The following CDH13 variants were observed in gnomAD, a reference collection of about 807,000 sequenced individuals.
CDH13 encodes cadherin-13.
CDH13 carries 24 observed loss-of-function variants against 63.8 expected under a neutral mutation model. The observed-to-expected ratio is 0.38, with a 90% CI of 0.27 to 0.53. The LOEUF (loss-of-function observed/expected upper bound fraction) is 0.53. Among genes scored for constraint, CDH13 ranks in the 20% least tolerant of loss-of-function variants. The probability of loss-of-function intolerance (pLI) is 0.85; values close to 1 mark genes in which losing one functional copy is unlikely to be tolerated. For missense variants in CDH13, 1,049 were observed against 903.1 expected (o/e 1.16, Z -2.07); for synonymous variants, 503 against 355.3 (o/e 1.42, Z -4.67).
intron 10 of CDH13, among the ~76,000 whole-genome samples, chr16:83,729,506 C>A (rs1441242630): frequency 6.6e-6 from 1 of 152,186 alleles, no homozygotes; most frequent in Non-Finnish European, 1.5e-5. Flanking sequence ...GATACCACTA[C>A]TCCTAAGACC....
In CDH13 at chr16:83,782,134, A is replaced by T. The variant is rs572032016; in HGVS notation, c.1916-1120A>T. Among the ~76,000 whole-genome samples the T allele has an allele frequency of 1.2e-4, 18 of 152,222 alleles. No homozygotes were observed. In the South Asian group the frequency reaches 3.5e-3, roughly 30 times the overall value. The stretch of plus-strand genomic sequence containing the variant: ...GTTTTTTCTCCTGGTTTTACCTAAT[A>T]GATAAATGCCTTCTAAATGATTTTG... On this transcript the variant is annotated intron_variant, in intron 12 of 13. Coordinates refer to ENST00000567109, the MANE Select transcript of CDH13 (RefSeq NM_001257.5).
chr16:82,784,719 A>T (rs569077960), intron 1 of CDH13, among the ~76,000 whole-genome samples: 2 of 152,250 alleles, frequency 1.3e-5, no homozygotes, highest in African/African-American at 4.8e-5. Flanking sequence ...GGTGAAGGGG[A>T]AGTAGAGGAG....
At chr16:82,639,395 A>C (rs2150883681) in intron 1 of CDH13, 1 of 1,535,600 alleles carries the variant, frequency 6.5e-7, no homozygotes, top group Non-Finnish European at 8.7e-7. Flanking sequence ...TGGTTCCCCC[A>C]GCAAGAACAT....
chr16:83,288,989 G>A (rs374867736), intron 5 of CDH13, among the ~76,000 whole-genome samples: 17 of 152,134 alleles, frequency 1.1e-4, no homozygotes, highest in African/African-American at 1.7e-4. Context: ...CTGCCTGCTC[G>A]CTACAGTTCC....
intron 6 of CDH13, among the ~76,000 whole-genome samples, chr16:83,384,175 C>T (rs1243357689): frequency 1.3e-5 from 2 of 152,126 alleles, no homozygotes; most frequent in African/African-American, 2.4e-5. Flanking sequence ...TCCTACCTTT[C>T]GTGTTTATCA....
intron 6 of CDH13, among the ~76,000 whole-genome samples, chr16:83,433,631 C>G (rs2072196329): frequency 6.6e-6 from 1 of 152,088 alleles, no homozygotes; most frequent in Admixed American, 6.6e-5. Flanking sequence ...GTGTAACCAC[C>G]AGAAGATTCA....
intron 2 of CDH13, among the ~76,000 whole-genome samples, chr16:82,983,835 G>C (rs1296267846): frequency 2.0e-5 from 3 of 152,182 alleles, no homozygotes; most frequent in African/African-American, 4.8e-5. Flanking sequence ...CTGACTGTAA[G>C]GGGGAAATGG....
chr16:83,446,395 G>GAGCTT (rs2072690268), intron 6 of CDH13, among the ~76,000 whole-genome samples: 3 of 152,098 alleles, frequency 2.0e-5, no homozygotes, highest in African/African-American at 7.2e-5. Flanking sequence ...ATGGTCAGCT[G>GAGCTT]AGCCTTTTTA....
At chr16:83,084,349 G>A (rs983344732) in intron 3 of CDH13, among the ~76,000 whole-genome samples, 9 of 152,134 alleles carry the variant, frequency 5.9e-5, no homozygotes, top group African/African-American at 2.2e-4. Context: ...CCCTTTTTAC[G>A]TTCATGTCTG....
intron 5 of CDH13, among the ~76,000 whole-genome samples, chr16:83,243,923 T>C (rs1163583397): frequency 1.3e-5 from 2 of 152,194 alleles, no homozygotes; most frequent in Non-Finnish European, 2.9e-5. Flanking sequence ...TTGAAGTGTT[T>C]TCTTCTTCAT....
intron 6 of CDH13, among the ~76,000 whole-genome samples, chr16:83,380,618 A>G (rs1046458197): frequency 1.3e-5 from 2 of 152,164 alleles, no homozygotes; most frequent in South Asian, 4.1e-4. Context: ...AAATTCTACC[A>G]TTCTCAGCAC....
intron 1 of CDH13, chr16:82,824,702 A>G (rs1045432705): frequency 2.0e-5 from 3 of 152,220 alleles, no homozygotes; most frequent in African/African-American, 7.2e-5. Flanking sequence ...ATTCAACACG[A>G]TGTTGCAAAG....
rs140041517 is a variant in CDH13, at chr16:82,913,727, C to T, written c.157+55254C>T. ...TTTGTCTGCGTGTGGGTACCCCATGCGCAGATCCTCAACAGCCGTTCCAAG... is the reference window on the plus strand; with the variant it reads ...TTTGTCTGCGTGTGGGTACCCCATGTGCAGATCCTCAACAGCCGTTCCAAG... On this transcript the variant is annotated intron_variant, in intron 2 of 13. Coordinates refer to ENST00000567109, the MANE Select transcript of CDH13 (RefSeq NM_001257.5). Among the ~76,000 whole-genome samples, 985 of 151,780 alleles carry T rather than the reference C, an allele frequency of 6.5e-3. 23 individuals are homozygous for T. Among genetic ancestry groups the T allele is most frequent in the African/African-American group, 0.023 (954 of 41,302 alleles).
At chr16:83,075,819 A>C (rs755509942) in intron 3 of CDH13, among the ~76,000 whole-genome samples, 6 of 152,194 alleles carry the variant, frequency 3.9e-5, no homozygotes, top group Non-Finnish European at 8.8e-5. Flanking sequence ...TTAGCTCTGC[A>C]AATGGAGAGT....
intron 7 of CDH13, among the ~76,000 whole-genome samples, chr16:83,593,844 A>C (rs1906999000): frequency 6.6e-6 from 1 of 152,186 alleles, no homozygotes; most frequent in Non-Finnish European, 1.5e-5. Flanking sequence ...GCCACTAAAC[A>C]AGTAATCAGT....
chr16:82,900,348 T>C (rs1431286299), intron 2 of CDH13, among the ~76,000 whole-genome samples: 1 of 152,228 alleles, frequency 6.6e-6, no homozygotes, highest in African/African-American at 2.4e-5. Flanking sequence ...GAGTTTTACT[T>C]GGTTATTAAT....
intron 8 of CDH13, among the ~76,000 whole-genome samples, chr16:83,604,064 C>G (rs991911116): frequency 2.6e-5 from 4 of 152,040 alleles, no homozygotes; most frequent in African/African-American, 9.7e-5. Flanking sequence ...CCCACCAGGC[C>G]CCAACTACAA....
At chr16:83,267,217 A>G (rs1197816194) in intron 5 of CDH13, among the ~76,000 whole-genome samples, 1 of 152,186 alleles carries the variant, frequency 6.6e-6, no homozygotes, top group Non-Finnish European at 1.5e-5. Context: ...TTATCATTTC[A>G]CAAAACACAA....
intron 5 of CDH13, among the ~76,000 whole-genome samples, chr16:83,307,992 C>T (rs2089917686): frequency 1.3e-5 from 2 of 152,158 alleles, no homozygotes; most frequent in Non-Finnish European, 2.9e-5. Context: ...TCATAATTTG[C>T]ATTTTTAAAT....
Sources: gnomAD v4.1 joint callset for allele counts (sites outside exome capture counted in the v4.1 genomes callset) on GRCh38, gnomAD v4.1.1 for gene constraint, MANE v1.5 for transcripts, NCBI Gene and HGNC (gene_info 2026-07-23, HGNC 2026-07-21) for gene names.